The following PELI1 variants were observed in gnomAD, a reference collection of about 807,000 sequenced individuals.
PELI1 encodes pellino E3 ubiquitin protein ligase 1.
In PELI1, 15 loss-of-function variants were observed where a neutral mutation model predicts 41.3. That is an observed-to-expected ratio of 0.36 (90% CI 0.24 to 0.56). The LOEUF (loss-of-function observed/expected upper bound fraction) is 0.56. PELI1 is among the 20% of genes least tolerant of loss of function. The pLI, the probability that PELI1 is intolerant of heterozygous loss-of-function variation, is 0.82. For synonymous variants in PELI1, 178 were observed against 180.1 expected (o/e 0.99, Z 0.09); for missense variants, 403 against 525.5 (o/e 0.77, Z 2.28).
At chr2:64,096,635 T>C in intron 4 of PELI1, 25 bp from the exon 5 acceptor site, 4 of 1,508,910 alleles carry the variant, frequency 2.7e-6, no homozygotes, top group African/African-American at 1.4e-5. Context: ...AAAATACCTA[T>C]AAACCCATTC....
intron 1 of PELI1, among the ~76,000 whole-genome samples, chr2:64,124,737 C>CT (rs2103724742): frequency 6.6e-6 from 1 of 152,296 alleles, no homozygotes; most frequent in South Asian, 2.1e-4. Context: ...AGTGTTCTCT[C>CT]TGACATCAAC....
intron 1 of PELI1, among the ~76,000 whole-genome samples, chr2:64,136,637 G>A (rs911848002): frequency 6.6e-6 from 1 of 152,210 alleles, no homozygotes; most frequent in African/African-American, 2.4e-5. Flanking sequence ...TGGGCGCGGC[G>A]GCTCACGCCT....
intron 3 of PELI1, among the ~76,000 whole-genome samples, chr2:64,102,154 A>G (rs1402112421): frequency 6.6e-6 from 1 of 152,048 alleles, no homozygotes; most frequent in Non-Finnish European, 1.5e-5. Context: ...GAATTAAACT[A>G]CAGATACAAT....
chr2:64,096,348 T>C (rs761199454), intron 5 of PELI1, 35 bp from the exon 6 acceptor site: 3 of 1,594,528 alleles, frequency 1.9e-6, no homozygotes, highest in Non-Finnish European at 2.6e-6. Context: ...TTCCAACTTG[T>C]AACTTGTAAC....
chr2:64,100,648 G>A, intron 3 of PELI1, 149 bp from the exon 4 acceptor site: 1 of 653,798 alleles, frequency 1.5e-6, no homozygotes, highest in Non-Finnish European at 2.7e-6. Context: ...AATAACTCCT[G>A]TCAGCTGTGA....
rs1680685622 is a variant in PELI1, at chr2:64,108,215, GTGTCATCAAA to G, written c.71+15_71+24del. The G allele has an allele frequency of 7.6e-7, 1 of 1,311,762 alleles. No individual in the cohort carries two copies. Among genetic ancestry groups the G allele is most frequent in the Non-Finnish European group, 1.1e-6 (1 of 908,148 alleles). The allele number at this position is 1,311,762 out of a possible 1,614,324, so 81.3% of individuals were successfully genotyped here. ...GTTAGCATATATTATTAAACTGTGT[GTGTCATCAAA>G]TGGAGAAACCTTACCCTAAGACAAT... On this transcript the variant is annotated intron_variant, in intron 2 of 6. Transcript: ENST00000358912.
intron 1 of PELI1, among the ~76,000 whole-genome samples, chr2:64,110,451 T>C (rs1002283055): frequency 1.3e-5 from 2 of 151,904 alleles, no homozygotes; most frequent in African/African-American, 2.4e-5. Context: ...ATTGAGAGAA[T>C]TTGTTACCAG....
At chr2:64,137,138 A>G (rs993842477) in intron 1 of PELI1, among the ~76,000 whole-genome samples, 21 of 152,276 alleles carry the variant, frequency 1.4e-4, no homozygotes, top group Admixed American at 1.2e-3. Flanking sequence ...ATCCATATTT[A>G]TTGAGGTTTT....
intron 3 of PELI1, among the ~76,000 whole-genome samples, chr2:64,100,946 T>G (rs748570868): frequency 6.6e-6 from 1 of 152,074 alleles, no homozygotes; most frequent in Non-Finnish European, 1.5e-5. Context: ...CCCAGGCTGG[T>G]CTTGAACTCC....
At chr2:64,104,483 C>G (rs1680551362) in intron 3 of PELI1, 1 of 530,922 alleles carries the variant, frequency 1.9e-6, no homozygotes, top group East Asian at 4.0e-5. Flanking sequence ...TAATTTCCAC[C>G]CACTGATCCT....
intron 1 of PELI1, among the ~76,000 whole-genome samples, chr2:64,132,912 C>T (rs933837550): frequency 6.6e-6 from 1 of 152,072 alleles, no homozygotes; most frequent in East Asian, 1.9e-4. Context: ...ATAATATGAT[C>T]CTTAGGTAAT....
At position 64,111,869 on chromosome 2, in the gene PELI1, A is replaced by G. The variant is rs147522463; in HGVS notation, c.-69-3490T>C. ...GTTATACAGAAGCTTAACTAGAGGC[A>G]TTAGCTGTGCTTTTTCTGTTTAGAC... On this transcript the variant is annotated intron_variant, in intron 1 of 6. Coordinates refer to ENST00000358912, the MANE Select transcript of PELI1 (RefSeq NM_020651.4). Among the ~76,000 whole-genome samples the G allele has an allele frequency of 8.5e-4, 129 of 152,330 alleles. 1 individual carries two copies. Among genetic ancestry groups the G allele is most frequent in the Admixed American group, 2.9e-3 (45 of 15,300 alleles).
intron 1 of PELI1, among the ~76,000 whole-genome samples, chr2:64,110,007 A>G (rs1014180241): frequency 6.6e-6 from 1 of 152,076 alleles, no homozygotes; most frequent in Non-Finnish European, 1.5e-5. Flanking sequence ...CACTTTGGGA[A>G]GCGGAGGCGG....
At chr2:64,106,499 T>A (rs1328696193) in intron 2 of PELI1, among the ~76,000 whole-genome samples, 1 of 152,216 alleles carries the variant, frequency 6.6e-6, no homozygotes, top group Non-Finnish European at 1.5e-5. Context: ...AAGTTTTTGG[T>A]AGTTAAGAGC....
At chr2:64,122,367 GA>G (rs143649149) in intron 1 of PELI1, among the ~76,000 whole-genome samples, 20 of 131,476 alleles carry the variant, frequency 1.5e-4, no homozygotes, top group African/African-American at 3.9e-4. Context: ...AAAAACTCCA[GA>G]AAAAAAAACG....
rs940064831 is a variant in PELI1 at position 64,094,433 on chromosome 2, A to C, written c.*269T>G. On this transcript the variant is annotated 3_prime_UTR_variant, in exon 7 of 7. Coordinates refer to ENST00000358912, the MANE Select transcript of PELI1 (RefSeq NM_020651.4). Reference sequence around the variant, plus strand: ...TAGGTGATTCAAAAACACTAAAAGGAAGGCATCAAATTAGACTATGTCTTT... The same window carrying C: ...TAGGTGATTCAAAAACACTAAAAGGCAGGCATCAAATTAGACTATGTCTTT... 7 of 336,336 alleles carry C rather than the reference A, an allele frequency of 2.1e-5. No homozygotes were observed. The highest frequency in any genetic ancestry group is 3.8e-5 in the Non-Finnish European group (7 of 184,096). The allele number at this position is 336,336 out of a possible 1,614,324, so 20.8% of individuals were successfully genotyped here.
At chr2:64,133,968 ATTCT>A (rs911134132) in intron 1 of PELI1, among the ~76,000 whole-genome samples, 5 of 152,218 alleles carry the variant, frequency 3.3e-5, no homozygotes, top group Admixed American at 2.0e-4. Flanking sequence ...GCTTTCTGAC[ATTCT>A]TACTTCATGT....
chr2:64,121,581 T>C (rs1480913775), intron 1 of PELI1, among the ~76,000 whole-genome samples: 1 of 152,178 alleles, frequency 6.6e-6, no homozygotes, highest in African/African-American at 2.4e-5. Flanking sequence ...TAAAAAGACA[T>C]TAAAGATAAA....
intron 1 of PELI1, among the ~76,000 whole-genome samples, chr2:64,111,598 C>T (rs1680809831): frequency 1.3e-5 from 2 of 152,126 alleles, no homozygotes; most frequent in African/African-American, 4.8e-5. Flanking sequence ...ATTGCTATTT[C>T]ACCATAACTG....
Sources: gnomAD v4.1 joint callset for allele counts (sites outside exome capture counted in the v4.1 genomes callset) on GRCh38, gnomAD v4.1.1 for gene constraint, MANE v1.5 for transcripts, NCBI Gene and HGNC (gene_info 2026-07-23, HGNC 2026-07-21) for gene names.